The following RAB25 variants were observed in gnomAD, a reference collection of about 807,000 sequenced individuals.
RAB25 encodes RAB25, member RAS oncogene family.
In RAB25, 23 loss-of-function variants were observed where a neutral mutation model predicts 25.2. The observed-to-expected ratio is 0.91, with a 90% CI of 0.66 to 1.29. The LOEUF (loss-of-function observed/expected upper bound fraction) is 1.29, where lower values mean the gene tolerates loss of function less well. RAB25 is among the 50% of genes most tolerant of loss of function. The pLI, the probability that RAB25 is intolerant of heterozygous loss-of-function variation, is 0.00. For synonymous variants in RAB25, 102 were observed against 111.5 expected, an observed-to-expected ratio of 0.91 and a Z score of 0.54; for missense variants, 244 against 277.3, an observed-to-expected ratio of 0.88 and a Z score of 0.85.
chr1:156,064,403 G>A (rs1647678843), intron 1 of RAB25, among the ~76,000 whole-genome samples: 2 of 150,922 alleles, frequency 1.3e-5, no homozygotes, highest in Admixed American at 1.3e-4. Flanking sequence ...ACCACACTTG[G>A]CTAATTTTTT....
chr1:156,061,901 C>T (rs994493670), intron 1 of RAB25, among the ~76,000 whole-genome samples: 2 of 152,172 alleles, frequency 1.3e-5, no homozygotes, highest in African/African-American at 2.4e-5. Context: ...TCTTCTGCCT[C>T]GGCCTCCCAA....
In RAB25 at chr1:156,070,489, A is replaced by T. The variant is rs1409217146; in HGVS notation, c.*202A>T. Reference sequence around the variant, plus strand: ...CTCACAGACTAGGACCCTCAAATAAAGCTGTTTTATATCAATGCCTGGTCA... The same window carrying T: ...CTCACAGACTAGGACCCTCAAATAATGCTGTTTTATATCAATGCCTGGTCA... On this transcript the variant is annotated 3_prime_UTR_variant, in exon 5 of 5. Transcript: ENST00000361084. 4.5e-6 allele frequency: 3 copies of T among 660,342 alleles called. No individual in the cohort carries two copies. The highest frequency in any genetic ancestry group is 3.7e-5 in the African/African-American group (2 of 54,672). The allele number at this position is 660,342 out of a possible 1,614,324, so 40.9% of individuals were successfully genotyped here.
chr1:156,069,181 C>A (rs1647835932), intron 3 of RAB25, among the ~76,000 whole-genome samples: 1 of 152,008 alleles, frequency 6.6e-6, no homozygotes, highest in South Asian at 2.1e-4. Flanking sequence ...TTTCCTTATT[C>A]TTTTTCTTTT....
At chr1:156,061,519 C>T in intron 1 of RAB25, 76 bp downstream of exon 1, 1 of 1,497,690 alleles carries the variant, frequency 6.7e-7, no homozygotes, top group South Asian at 1.1e-5. Flanking sequence ...AGAGGGCCCC[C>T]TCCTGTTTTT....
chr1:156,061,495 T>C, intron 1 of RAB25, 52 bp downstream of exon 1: 1 of 1,580,790 alleles, frequency 6.3e-7, no homozygotes, highest in Non-Finnish European at 8.7e-7. Context: ...CAGAAAGAGA[T>C]TGAATAGAGC....
In RAB25 at chr1:156,061,441, AGGGTGAGTT is replaced by A. The variant is rs1166253365; in HGVS notation, c.43+3_43+11del. On this transcript the variant is annotated splice_donor_variant and splice_donor_5th_base_variant and coding_sequence_variant and intron_variant, in exon 1 of 5. Transcript: ENST00000361084. LOFTEE classifies it high-confidence loss of function. ...GAGGAAGATTATAACTTTGTCTTCA[AGGGTGAGTT>A]GGGTTCCCTGAAGCAAGAGGAAGCC... The A allele has an allele frequency of 6.2e-7, 1 of 1,613,978 alleles. No homozygotes were observed. The highest frequency in any genetic ancestry group is 1.7e-5 in the Admixed American group (1 of 60,022).
Position 156,066,104 on chromosome 1 carries a change from G to C in RAB25, c.237G>C (p.Ser79=), listed in dbSNP as rs560137192. 6.3e-7 allele frequency: 1 copy of C among 1,577,276 alleles called. No individual in the cohort carries two copies. Among genetic ancestry groups the C allele is most frequent in the South Asian group, 1.1e-5 (1 of 88,078 alleles). The change falls in exon 2 of 5, where the codon TCG becomes TCC. Residue 79 remains serine, a splice_region_variant and synonymous_variant. Transcript: ENST00000361084. Reference sequence around the variant, plus strand: ...TGGAGCGGTACCGAGCCATCACCTCGGCGTGAGCCCGGGCCTGGGGGGCTG... The same window carrying C: ...TGGAGCGGTACCGAGCCATCACCTCCGCGTGAGCCCGGGCCTGGGGGGCTG... The part of the protein sequence containing the change: ...AGLERYRAIT[S]AYYRGAVGAL...
Position 156,066,080 on chromosome 1 carries a change from G to A in RAB25, c.213G>A (p.Leu71=). The A allele has an allele frequency of 2.5e-6, 4 of 1,607,800 alleles. No homozygotes were observed. The highest frequency in any genetic ancestry group is 3.4e-6 in the Non-Finnish European group (4 of 1,175,642). Residue 71 remains leucine, a synonymous_variant, in exon 2 of 5, where the codon CTG becomes CTA. Transcript: ENST00000361084. ...CTCAGATCTGGGACACAGCTGGCCT[G>A]GAGCGGTACCGAGCCATCACCTCGG... ...VKAQIWDTAG[L]ERYRAITSAY... is the part of the protein sequence containing the mutation.
intron 1 of RAB25, among the ~76,000 whole-genome samples, chr1:156,064,503 C>G (rs373363811): frequency 6.6e-6 from 1 of 151,958 alleles, no homozygotes; most frequent in Non-Finnish European, 1.5e-5. Context: ...ACTGCAGCAC[C>G]CCCAGGGCTC....
chr1:156,068,966 G>A (rs1042679813), intron 3 of RAB25, among the ~76,000 whole-genome samples: 1 of 151,952 alleles, frequency 6.6e-6, no homozygotes, highest in East Asian at 1.9e-4. Context: ...TGGGATTATA[G>A]GTGTGAGCCA....
At chr1:156,064,423 C>CTT (rs1203115407) in intron 1 of RAB25, among the ~76,000 whole-genome samples, 4 of 131,542 alleles carry the variant, frequency 3.0e-5, no homozygotes, top group Non-Finnish European at 3.3e-5. Flanking sequence ...TTTTCTTTTT[C>CTT]TTTTTTTTTT....
intron 1 of RAB25, among the ~76,000 whole-genome samples, chr1:156,065,305 C>T (rs1432378041): frequency 2.0e-5 from 3 of 152,162 alleles, no homozygotes; most frequent in Non-Finnish European, 2.9e-5. Flanking sequence ...CTTAACCATG[C>T]GGGACTGTCC....
chr1:156,069,609 AATATT>A, intron 3 of RAB25, 57 bp from the exon 4 acceptor site: 1 of 1,286,540 alleles, frequency 7.8e-7, no homozygotes, highest in South Asian at 1.2e-5. Context: ...AGCAAACATT[AATATT>A]ATTATTATTA....
rs1306600967 is a variant in RAB25 at position 156,068,331 on chromosome 1, G to A, written c.301G>A (p.Ala101Thr). Reference protein sequence around the residue: ...VFDLTKHQTYAVVERWLKELY... With the variant: ...VFDLTKHQTYTVVERWLKELY... Reference sequence around the variant, plus strand: ...TGACCTAACCAAGCACCAGACCTATGCTGTGGTGGAGCGATGGCTGAAGGA... The same window carrying A: ...TGACCTAACCAAGCACCAGACCTATACTGTGGTGGAGCGATGGCTGAAGGA... Residue 101 changes from alanine to threonine, a missense_variant, in exon 3 of 5, where the codon GCT becomes ACT. Transcript: ENST00000361084. 6.2e-7 allele frequency: 1 copy of A among 1,614,006 alleles called. No individual in the cohort carries two copies. Among genetic ancestry groups the A allele is most frequent in the African/African-American group, 1.3e-5 (1 of 74,892 alleles).
chr1:156,064,933 C>T (rs1221745425), intron 1 of RAB25, among the ~76,000 whole-genome samples: 2 of 152,140 alleles, frequency 1.3e-5, no homozygotes, highest in Non-Finnish European at 2.9e-5. Context: ...AGTTCAGTGC[C>T]AGTGCAATTT....
At chr1:156,068,565 C>T (rs981617721) in intron 3 of RAB25, 102 bp downstream of exon 3, 24 of 1,181,270 alleles carry the variant, frequency 2.0e-5, no homozygotes, top group Non-Finnish European at 2.9e-5. Flanking sequence ...CCTAGCCTGG[C>T]CTTCCTCCAT....
At chr1:156,061,752 G>A (rs1409412875) in intron 1 of RAB25, among the ~76,000 whole-genome samples, 1 of 152,164 alleles carries the variant, frequency 6.6e-6, no homozygotes, top group Non-Finnish European at 1.5e-5. Context: ...TGCAGCACAA[G>A]AGATGGAGGT....
intron 1 of RAB25, among the ~76,000 whole-genome samples, chr1:156,063,504 T>C (rs1258565942): frequency 6.6e-6 from 1 of 152,188 alleles, no homozygotes; most frequent in Non-Finnish European, 1.5e-5. Context: ...GAAACATAAT[T>C]GGGCAGAGGG....
chr1:156,067,918 A>G (rs924740105), intron 2 of RAB25, among the ~76,000 whole-genome samples: 9 of 152,108 alleles, frequency 5.9e-5, no homozygotes, highest in Non-Finnish European at 1.2e-4. Context: ...ATGCCCGGCT[A>G]ATTTTTGTAT....
Sources: allele counts gnomAD v4.1 joint callset (sites outside exome capture counted in the v4.1 genomes callset), GRCh38; gene constraint gnomAD v4.1.1; transcripts MANE v1.5; gene names NCBI Gene and HGNC (gene_info 2026-07-23, HGNC 2026-07-21).